The following KLRG1 variants were observed in gnomAD, a reference collection of about 807,000 sequenced individuals.
KLRG1 encodes killer cell lectin-like receptor subfamily G member 1.
Under a neutral mutation model 21.8 loss-of-function variants are expected in KLRG1, and 16 were observed. The ratio of observed to expected loss-of-function variants is 0.73; its 90% CI spans 0.50 to 1.11. The LOEUF (loss-of-function observed/expected upper bound fraction) is 1.11. Among genes scored for constraint, KLRG1 ranks in the 50% most tolerant of loss-of-function variants. The pLI is 0.00. For missense variants in KLRG1, 173 were observed against 218.3 expected (o/e 0.79, Z 1.31); for synonymous variants, 69 against 75.9 (o/e 0.91, Z 0.47).
chr12:9,034,540 G>C, the KLRG1 span, among the ~76,000 whole-genome samples: 1 of 151,474 alleles, frequency 6.6e-6, no homozygotes, highest in African/African-American at 2.4e-5. Context: ...CCGCCTCCCC[G>C]GTTCCAGCGA....
At chr12:9,069,858 C>A in the KLRG1 span, 2 of 1,560,812 alleles carry the variant, frequency 1.3e-6, no homozygotes, top group Non-Finnish European at 1.8e-6. Context: ...ATAGATGAAA[C>A]CCCTGGGGGA....
the KLRG1 span, chr12:9,095,742 CTT>C: frequency 0.087 from 25,131 of 289,836 alleles, 750 homozygotes; most frequent in South Asian, 0.13. Flanking sequence ...TTATTTGTGA[CTT>C]TTTTTTTTTT....
chr12:8,973,896 A>G (rs1946612689), intron 1 of KLRG1, among the ~76,000 whole-genome samples: 1 of 152,026 alleles, frequency 6.6e-6, no homozygotes, highest in South Asian at 2.1e-4. Context: ...TGATTTTTGT[A>G]TGTTGATTTT....
At chr12:8,987,086 T>G (rs1335833916), upstream of KLRG1, 1 of 152,224 alleles carries the variant, frequency 6.6e-6, no homozygotes. Context: ...GGTATTTCTT[T>G]ATAGCAGTGC....
the KLRG1 span, among the ~76,000 whole-genome samples, chr12:9,123,814 T>C: frequency 6.9e-6 from 1 of 144,064 alleles, no homozygotes; most frequent in African/African-American, 2.9e-5. Flanking sequence ...TTAAACTTTA[T>C]AGTAATTTCC....
intron 1 of KLRG1, among the ~76,000 whole-genome samples, chr12:8,966,060 C>G (rs1202672555): frequency 3.3e-5 from 5 of 152,152 alleles, no homozygotes; most frequent in African/African-American, 7.2e-5. Flanking sequence ...TGATCTTTGA[C>G]AAACCTGAGA....
At chr12:9,049,691 T>C in the KLRG1 span, among the ~76,000 whole-genome samples, 1 of 152,196 alleles carries the variant, frequency 6.6e-6, no homozygotes, top group Non-Finnish European at 1.5e-5. Context: ...TTTAATGAAG[T>C]AGCAGCACTC....
the KLRG1 span, among the ~76,000 whole-genome samples, chr12:9,046,230 A>G: frequency 6.6e-6 from 1 of 152,220 alleles, no homozygotes; most frequent in Non-Finnish European, 1.5e-5. Context: ...AAAGGCTGAG[A>G]ATAAAGGAAC....
chr12:8,986,499 T>C (rs891476186), upstream of KLRG1, among the ~76,000 whole-genome samples: 1 of 152,246 alleles, frequency 6.6e-6, no homozygotes, highest in Admixed American at 6.5e-5. Flanking sequence ...AATTCAACAC[T>C]GTCATTTATT....
chr12:9,087,656 G>C, the KLRG1 span, among the ~76,000 whole-genome samples: 1 of 152,026 alleles, frequency 6.6e-6, no homozygotes, highest in East Asian at 1.9e-4. Context: ...AATTTCAAAT[G>C]TTCCCACCAC....
chr12:9,009,545 C>T lies in KLRG1; in HGVS notation c.*8C>T, dbSNP rs369306390. ...AAGAAGGTCAGACTTTGATAGATGA[C>T]CACTCTGTCCTGACCCTCAGATCTG... On this transcript the variant is annotated 3_prime_UTR_variant, in exon 5 of 5. Coordinates refer to ENST00000356986, the MANE Select transcript of KLRG1 (RefSeq NM_005810.4). The T allele has an allele frequency of 5.6e-6, 9 of 1,613,386 alleles. No homozygotes were observed. The African/African-American group carries it at 1.1e-4, about 19-fold the overall frequency.
At chr12:9,181,870 G>T in the KLRG1 span, 2 of 1,269,394 alleles carry the variant, frequency 1.6e-6, no homozygotes, top group Non-Finnish European at 2.2e-6. Context: ...GAACTGTTGG[G>T]CAACTCATTT....
the KLRG1 span, chr12:9,077,334 G>C: frequency 3.1e-6 from 5 of 1,609,472 alleles, no homozygotes; most frequent in South Asian, 2.2e-5. Flanking sequence ...AGAGGAATGG[G>C]GTGGTACCTA....
In KLRG1 at chr12:8,995,097, A is replaced by C. The variant is rs1163893977; in HGVS notation, c.188-22A>C. 3 of 1,563,816 alleles carry C rather than the reference A, an allele frequency of 1.9e-6. No homozygotes were observed. The African/African-American group carries it at 4.1e-5, about 22-fold the overall frequency. On this transcript the variant is annotated intron_variant, in intron 2 of 4. Coordinates refer to ENST00000356986, the MANE Select transcript of KLRG1 (RefSeq NM_005810.4). ...GACTGAGTGGTCCATAAAGATGTGA[A>C]CCAGGTCCTCTTCTCTCCTAGGCTC...
the KLRG1 span, among the ~76,000 whole-genome samples, chr12:9,061,783 A>G: frequency 6.6e-6 from 1 of 152,158 alleles, no homozygotes; most frequent in Non-Finnish European, 1.5e-5. Context: ...ATCGGTGATG[A>G]CCATTTTTTT....
the KLRG1 span, among the ~76,000 whole-genome samples, chr12:9,158,950 C>T: frequency 1.5e-4 from 23 of 152,022 alleles, no homozygotes; most frequent in African/African-American, 5.3e-4. Context: ...AGCTTACTTT[C>T]TGTAGTTTTA....
rs1947581359 is a variant in KLRG1, at chr12:9,009,462, CA to C, written c.496del (p.Ile166SerfsTer27). The C allele has an allele frequency of 6.2e-7, 1 of 1,613,772 alleles. No individual in the cohort carries two copies. Among genetic ancestry groups the C allele is most frequent in the African/African-American group, 1.3e-5 (1 of 74,886 alleles). On this transcript the variant is annotated frameshift_variant, in exon 5 of 5. Coordinates refer to ENST00000356986, the MANE Select transcript of KLRG1 (RefSeq NM_005810.4). LOFTEE classifies it high-confidence loss of function. ...SNSFVQTCGA[I>X]NKNGLQASSC... ...ATAGCTTTGTGCAGACATGCGGTGCCATCAACAAAAATGGTCTTCAAGCCTC... is the reference window on the plus strand; with the variant it reads ...ATAGCTTTGTGCAGACATGCGGTGCCTCAACAAAAATGGTCTTCAAGCCTC...
chr12:9,072,529 A>G, the KLRG1 span: 2 of 1,603,006 alleles, frequency 1.2e-6, no homozygotes, highest in Non-Finnish European at 8.5e-7. Flanking sequence ...GCCCTTTCCC[A>G]GAATTCCTGT....
At chr12:9,074,488 GTGTTTGTTTCTTTTTC>G in the KLRG1 span, 53 of 1,389,776 alleles carry the variant, frequency 3.8e-5, no homozygotes, top group Non-Finnish European at 4.6e-5. Context: ...CTTCTTGGAT[GTGTTTGTTTCTTTTTC>G]ATTCAAATCT....
Sources: gnomAD v4.1 joint callset for allele counts (sites outside exome capture counted in the v4.1 genomes callset) on GRCh38, gnomAD v4.1.1 for gene constraint, MANE v1.5 for transcripts, NCBI Gene and HGNC (gene_info 2026-07-23, HGNC 2026-07-21) for gene names.